The following GCH1 variants were observed in gnomAD, a reference collection of about 807,000 sequenced individuals.
The protein encoded by GCH1 is GTP cyclohydrolase I.
GCH1 carries 5 observed loss-of-function variants against 25.9 expected under a neutral mutation model. The ratio of observed to expected loss-of-function variants is 0.19; its 90% CI spans 0.10 to 0.41. The LOEUF (loss-of-function observed/expected upper bound fraction) is 0.41. Among genes scored for constraint, GCH1 ranks in the 10% least tolerant of loss-of-function variants. GCH1 has a pLI of 1.00. For synonymous variants in GCH1, 159 were observed against 129.6 expected (o/e 1.23, Z -1.54); for missense variants, 261 against 336.5 (o/e 0.78, Z 1.75).
Position 54,880,554 on chromosome 14 carries a change from C to CATAT in GCH1, c.344-15122_344-15119dup, listed in dbSNP as rs1245366548. ...ATATACTCCATATATATATATACTC[C>CATAT]ATATATATATACTCCATATATATAT... On this transcript the variant is annotated intron_variant, in intron 1 of 5. Transcript: ENST00000491895. Among the ~76,000 whole-genome samples, 16 of 35,310 alleles carry CATAT rather than the reference C, an allele frequency of 4.5e-4. 5 individuals are homozygous for CATAT. Among genetic ancestry groups the CATAT allele is most frequent in the Admixed American group, 1.3e-3 (4 of 3,038 alleles). The allele number at this position is 35,310 out of a possible 152,430, so 23.2% of individuals were successfully genotyped here.
At chr14:54,858,259 G>A (rs536691901) in intron 3 of GCH1, among the ~76,000 whole-genome samples, 221 of 152,148 alleles carry the variant, frequency 1.5e-3, no homozygotes, top group Non-Finnish European at 2.7e-3. Context: ...CAGTCAACTG[G>A]TCACAGAGAC....
At chr14:54,879,044 G>A (rs2040203746) in intron 1 of GCH1, among the ~76,000 whole-genome samples, 1 of 152,116 alleles carries the variant, frequency 6.6e-6, no homozygotes, top group Non-Finnish European at 1.5e-5. Context: ...ACAGGTGTGA[G>A]CCACCACGCT....
intron 3 of GCH1, among the ~76,000 whole-genome samples, chr14:54,855,915 T>G (rs751984402): frequency 6.6e-6 from 1 of 152,196 alleles, no homozygotes; most frequent in Non-Finnish European, 1.5e-5. Context: ...TCCAGAAGGA[T>G]AGTGAAAGAA....
intron 3 of GCH1, among the ~76,000 whole-genome samples, chr14:54,851,451 G>A (rs1210512992): frequency 6.6e-6 from 1 of 152,170 alleles, no homozygotes; most frequent in Non-Finnish European, 1.5e-5. Context: ...CAGAATGGGA[G>A]AAAATTTTTA....
chr14:54,850,263 C>T (rs1463532806), intron 3 of GCH1, among the ~76,000 whole-genome samples: 1 of 151,774 alleles, frequency 6.6e-6, no homozygotes, highest in Non-Finnish European at 1.5e-5. Context: ...TGAGCCACCA[C>T]GCCCGATCTC....
intron 4 of GCH1, 86 bp downstream of exon 4, chr14:54,847,013 G>A (rs534625617): frequency 8.8e-6 from 5 of 570,476 alleles, no homozygotes; most frequent in South Asian, 5.4e-5. Context: ...CTGGGTGACA[G>A]AGCAAGACTC....
intron 1 of GCH1, among the ~76,000 whole-genome samples, chr14:54,895,075 T>C (rs2140117619): frequency 6.6e-6 from 1 of 152,352 alleles, no homozygotes; most frequent in South Asian, 2.1e-4. Context: ...TCCGAGAGGT[T>C]TGTGATTCAA....
At chr14:54,902,122 C>T (rs1286839156) in intron 1 of GCH1, among the ~76,000 whole-genome samples, 199 bp downstream of exon 1, 1 of 152,166 alleles carries the variant, frequency 6.6e-6, no homozygotes, top group Non-Finnish European at 1.5e-5. Flanking sequence ...TGAGAGGTCG[C>T]TGCCACCCAG....
intron 1 of GCH1, among the ~76,000 whole-genome samples, chr14:54,892,097 GA>G (rs926284976): frequency 2.6e-5 from 4 of 151,570 alleles, no homozygotes; most frequent in South Asian, 2.1e-4. Context: ...TGTGAAGGAG[GA>G]AAAAAAAATT....
chr14:54,861,988 T>C (rs1332756896), intron 2 of GCH1, among the ~76,000 whole-genome samples: 2 of 152,276 alleles, frequency 1.3e-5, no homozygotes, highest in Non-Finnish European at 1.5e-5. Context: ...CCAGATACGA[T>C]ATGGCTTCTG....
At position 54,859,948 on chromosome 14, in the gene GCH1, ATATAAG is replaced by A. The variant is rs147071318; in HGVS notation, c.454-218_454-213del. 2.7e-3 allele frequency among the ~76,000 whole-genome samples: 419 copies of A among 152,374 alleles called. 8 individuals carry two copies. In the South Asian group the frequency reaches 0.04, roughly 15 times the overall value. On this transcript the variant is annotated intron_variant, in intron 2 of 5. Coordinates refer to ENST00000491895, the MANE Select transcript of GCH1 (RefSeq NM_000161.3). ...TACATAAATGCAGTAAAAGCAAAATATATAAGTATGAGTCTATTAATCAAATAACAA... is the reference window on the plus strand; with the variant it reads ...TACATAAATGCAGTAAAAGCAAAATATATGAGTCTATTAATCAAATAACAA...
In GCH1 at chr14:54,843,384, T is replaced by C. The variant is rs2039589627; in HGVS notation, c.*633A>G. 8.0e-7 allele frequency: 1 copy of C among 1,243,082 alleles called. No individual in the cohort carries two copies. Among genetic ancestry groups the C allele is most frequent in the Admixed American group, 4.0e-5 (1 of 25,254 alleles). The allele number at this position is 1,243,082 out of a possible 1,614,324, so 77.0% of individuals were successfully genotyped here. On this transcript the variant is annotated 3_prime_UTR_variant, in exon 6 of 6. Coordinates refer to ENST00000491895, the MANE Select transcript of GCH1 (RefSeq NM_000161.3). ...AACACCAGGAACTAATTCCCTATTC[T>C]TGAATTTAAAAACAATAGAAGGTAG...
intron 1 of GCH1, chr14:54,885,144 A>G: frequency 3.9e-6 from 1 of 257,720 alleles, no homozygotes. Flanking sequence ...TAGGGTCCCC[A>G]AAGAGGTCAA....
chr14:54,865,344 C>G lies in GCH1; in HGVS notation c.436G>C (p.Val146Leu), dbSNP rs767979398. The change falls in exon 2 of 6, where the codon GTT becomes CTT. Residue 146 changes from valine (V) to leucine (L), a missense_variant. Physicochemically the swap from Val to Leu is conservative, Grantham distance 32. This residue lies in a region of GCH1 where 130 missense variants were observed against 184.1 expected (regional missense o/e 0.71). Coordinates refer to ENST00000491895, the MANE Select transcript of GCH1 (RefSeq NM_000161.3). ...AACCTTACCTTTCCAACAAATGGAA[C>G]CAAGTGATGCTCACACATGGAAAAC... ...DMFSMCEHHLVPFVGKVHIGY... is the reference protein window; with the variant it reads ...DMFSMCEHHLLPFVGKVHIGY... 6.6e-7 allele frequency: 1 copy of G among 1,519,380 alleles called. No homozygotes were observed. The highest frequency in any genetic ancestry group is 1.1e-5 in the South Asian group (1 of 89,092). 94.1% of individuals were successfully genotyped at this position (1,519,380 alleles called of 1,614,324 possible).
intron 1 of GCH1, chr14:54,885,803 T>C (rs3783640): frequency 0.44 from 77,368 of 176,090 alleles, 18,873 homozygotes; most frequent in African/African-American, 0.67. Context: ...GCACAAGAAT[T>C]ACTTGAACCC....
At chr14:54,883,545 G>T (rs908904694) in intron 1 of GCH1, among the ~76,000 whole-genome samples, 2 of 152,076 alleles carry the variant, frequency 1.3e-5, no homozygotes, top group South Asian at 2.1e-4. Context: ...TGGGCGTGGT[G>T]GCAGGCGCCT....
intron 3 of GCH1, among the ~76,000 whole-genome samples, chr14:54,848,231 G>T (rs72713467): frequency 0.22 from 33,234 of 151,188 alleles, 3,792 homozygotes; most frequent in East Asian, 0.36. Context: ...CTGCCTCCTG[G>T]GTTCAAGCGA....
chr14:54,851,012 C>G (rs1010701118), intron 3 of GCH1, among the ~76,000 whole-genome samples: 1 of 152,186 alleles, frequency 6.6e-6, no homozygotes, highest in African/African-American at 2.4e-5. Context: ...ACCAAAACAG[C>G]ATGGTGCTGG....
At position 54,842,428 on chromosome 14, in the gene GCH1, T is replaced by G. The variant is rs1307078798; in HGVS notation, c.*1589A>C. 1 of 152,606 alleles carries G rather than the reference T, an allele frequency of 6.6e-6. No homozygotes were observed. The highest frequency in any genetic ancestry group is 1.5e-5 in the Non-Finnish European group (1 of 68,038). 9.5% of individuals were successfully genotyped at this position (152,606 alleles called of 1,614,324 possible). Reference sequence around the variant, plus strand: ...TGAGTTGAGTGCTCAGAATTCTACCTATAAATGTCTAAATATTAAGCAGGC... The same window carrying G: ...TGAGTTGAGTGCTCAGAATTCTACCGATAAATGTCTAAATATTAAGCAGGC... On this transcript the variant is annotated 3_prime_UTR_variant, in exon 6 of 6. Transcript: ENST00000491895.
Sources: gnomAD v4.1 joint callset for allele counts (sites outside exome capture counted in the v4.1 genomes callset) on GRCh38, gnomAD v4.1.1 for gene constraint, gnomAD v4.1.1 regional missense constraint, MANE v1.5 for transcripts, NCBI Gene and HGNC (gene_info 2026-07-23, HGNC 2026-07-21) for gene names.